Variants in CCSER1 observed in about 807,000 individuals in gnomAD.
The protein encoded by CCSER1 is coiled-coil serine rich protein 1.
CCSER1 carries 41 observed loss-of-function variants against 82.0 expected under a neutral mutation model. That is an observed-to-expected ratio of 0.50 (90% CI 0.39 to 0.65). The LOEUF is 0.65. Ranked by LOEUF, CCSER1 falls within the 30% of genes least tolerant of loss-of-function variation. The pLI, the probability that CCSER1 is intolerant of heterozygous loss-of-function variation, is 0.00. For missense variants in CCSER1, 1,119 were observed against 1,064.2 expected (o/e 1.05, Z -0.72); for synonymous variants, 414 against 383.9 (o/e 1.08, Z -0.92).
At chr4:91,017,419 C>T (rs533464280) in intron 9 of CCSER1, 1 of 152,168 alleles carries the variant, frequency 6.6e-6, no homozygotes, top group East Asian at 1.9e-4. Context: ...TTTTTAACTT[C>T]TATTTTTAAG....
intron 10 of CCSER1, among the ~76,000 whole-genome samples, chr4:91,272,047 A>G (rs1364003970): frequency 2.0e-5 from 3 of 152,160 alleles, no homozygotes; most frequent in African/African-American, 7.2e-5. Flanking sequence ...CATTTTTGCA[A>G]TTGCAAATTG....
chr4:90,454,434 A>G (rs1761915000), intron 4 of CCSER1, among the ~76,000 whole-genome samples: 1 of 152,008 alleles, frequency 6.6e-6, no homozygotes. Context: ...GGTATGCTTT[A>G]CCAAGACCCC....
At chr4:91,466,893 G>T (rs1260270818) in intron 10 of CCSER1, among the ~76,000 whole-genome samples, 3 of 152,110 alleles carry the variant, frequency 2.0e-5, no homozygotes, top group Admixed American at 6.6e-5. Flanking sequence ...TGCTCATGGA[G>T]AGGAGGAATC....
Position 90,966,551 on chromosome 4 carries a change from G to A in CCSER1, c.2172+43104G>A, listed in dbSNP as rs576050205. 4.8e-4 allele frequency among the ~76,000 whole-genome samples: 73 copies of A among 152,110 alleles called. No homozygotes were observed. In the South Asian group the frequency reaches 7.7e-3, roughly 16 times the overall value. On this transcript the variant is annotated intron_variant, in intron 9 of 10. Transcript: ENST00000509176. ...ATGTTCCCAGATAAACAAAAACTGC[G>A]CGAATTCATTGCTAGGAAACCTGCC... is the stretch of plus-strand genomic sequence containing the variant.
intron 7 of CCSER1, among the ~76,000 whole-genome samples, chr4:90,767,988 T>C (rs1191116840): frequency 5.3e-5 from 8 of 152,200 alleles, no homozygotes; most frequent in Non-Finnish European, 1.5e-5. Flanking sequence ...TGTGGTAGGC[T>C]CTAAGATTGC....
intron 10 of CCSER1, among the ~76,000 whole-genome samples, chr4:91,399,186 G>C (rs1752171945): frequency 6.6e-6 from 1 of 151,688 alleles, no homozygotes; most frequent in African/African-American, 2.4e-5. Flanking sequence ...AGGGAGGAAG[G>C]CTCCCCAAGG....
chr4:91,329,297 A>G (rs944449111), intron 10 of CCSER1, among the ~76,000 whole-genome samples: 13 of 152,236 alleles, frequency 8.5e-5, no homozygotes, highest in Non-Finnish European at 1.6e-4. Context: ...CTTTTCTACA[A>G]ATAATGACAA....
chr4:91,541,798 GC>G, intron 10 of CCSER1, among the ~76,000 whole-genome samples: 1 of 152,174 alleles, frequency 6.6e-6, no homozygotes, highest in Non-Finnish European at 1.5e-5. Context: ...CTGAGGAATC[GC>G]CACACTGTCT....
chr4:90,956,948 T>TC (rs1453401751), intron 9 of CCSER1, among the ~76,000 whole-genome samples: 2 of 149,316 alleles, frequency 1.3e-5, no homozygotes, highest in Non-Finnish European at 3.0e-5. Flanking sequence ...ACCAGCCTTT[T>TC]TTTTTTTTTT....
chr4:90,301,225 A>G (rs544789359), intron 1 of CCSER1, among the ~76,000 whole-genome samples: 1 of 152,332 alleles, frequency 6.6e-6, no homozygotes, highest in East Asian at 1.9e-4. Flanking sequence ...TATCCAAATT[A>G]TGAATCATTT....
intron 9 of CCSER1, among the ~76,000 whole-genome samples, chr4:91,059,146 T>A (rs780936685): frequency 3.3e-5 from 5 of 152,008 alleles, no homozygotes; most frequent in Non-Finnish European, 7.4e-5. Context: ...CCACCCTTGA[T>A]AACATACTTT....
chr4:90,214,447 G>A (rs191664596), intron 1 of CCSER1, among the ~76,000 whole-genome samples: 1 of 152,262 alleles, frequency 6.6e-6, no homozygotes, highest in East Asian at 1.9e-4. Context: ...GGAAACGCTG[G>A]AGATTAAAGC....
At chr4:90,141,001 T>C (rs1388669856) in intron 1 of CCSER1, among the ~76,000 whole-genome samples, 2 of 139,214 alleles carry the variant, frequency 1.4e-5, no homozygotes, top group Non-Finnish European at 3.1e-5. Context: ...TTTAGTGTTC[T>C]CCAGAGAAAC....
chr4:91,518,527 G>A (rs12641499), intron 10 of CCSER1, among the ~76,000 whole-genome samples: 15,122 of 152,180 alleles, frequency 0.099, 823 homozygotes, highest in South Asian at 0.2. Context: ...TCCAAGAAAC[G>A]TGGAGCTGCT....
At chr4:90,872,760 C>T (rs957759128) in intron 8 of CCSER1, among the ~76,000 whole-genome samples, 4 of 151,956 alleles carry the variant, frequency 2.6e-5, no homozygotes, top group African/African-American at 9.7e-5. Flanking sequence ...CCTTTACTTT[C>T]AGATTGAAGA....
At chr4:91,504,142 A>C (rs1759363119) in intron 10 of CCSER1, among the ~76,000 whole-genome samples, 1 of 152,220 alleles carries the variant, frequency 6.6e-6, no homozygotes. Context: ...AAGAAATATG[A>C]AAGTACAACA....
chr4:90,248,646 GGA>G lies in CCSER1; in HGVS notation c.-41-59597_-41-59596del, dbSNP rs753882151. ...ATTCTACCAAGGTCTAGAGGAGGGT[GGA>G]TTTAAATGATCAATTTTCTTAGCAT... On this transcript the variant is annotated intron_variant, in intron 1 of 10. Transcript: ENST00000509176. 2.6e-5 allele frequency among the ~76,000 whole-genome samples: 4 copies of G among 151,890 alleles called. No homozygotes were observed. The East Asian group carries it at 5.8e-4, about 22-fold the overall frequency.
intron 8 of CCSER1, among the ~76,000 whole-genome samples, chr4:90,858,275 A>G (rs971723674): frequency 2.6e-5 from 4 of 152,056 alleles, no homozygotes; most frequent in Non-Finnish European, 5.9e-5. Flanking sequence ...TTATGATTTG[A>G]ACAAAGATGA....
chr4:90,737,239 T>A (rs1745807988), intron 7 of CCSER1, among the ~76,000 whole-genome samples: 1 of 152,208 alleles, frequency 6.6e-6, no homozygotes, highest in Non-Finnish European at 1.5e-5. Context: ...TTATTGCTCA[T>A]TAACATCCTT....
Sources: allele counts gnomAD v4.1 joint callset (sites outside exome capture counted in the v4.1 genomes callset), GRCh38; gene constraint gnomAD v4.1.1; transcripts MANE v1.5; gene names NCBI Gene and HGNC (gene_info 2026-07-23, HGNC 2026-07-21).